EPHA6: variants seen among roughly 807,000 people sequenced by gnomAD.
EPHA6 encodes ephrin type-A receptor 6.
Under a neutral mutation model 112.0 loss-of-function variants are expected in EPHA6, and 50 were observed. The ratio of observed to expected loss-of-function variants is 0.45; its 90% CI spans 0.36 to 0.56. The LOEUF (loss-of-function observed/expected upper bound fraction) is 0.56. Ranked by LOEUF, EPHA6 falls within the 20% of genes least tolerant of loss-of-function variation. The pLI is 0.00. For synonymous variants in EPHA6, 529 were observed against 490.7 expected (o/e 1.08, Z -1.03); for missense variants, 1,280 against 1,417.4 (o/e 0.90, Z 1.56).
At chr3:97,064,806 A>C (rs539649674) in intron 3 of EPHA6, among the ~76,000 whole-genome samples, 1 of 152,146 alleles carries the variant, frequency 6.6e-6, no homozygotes, top group South Asian at 2.1e-4. Context: ...CCTTTTTCTC[A>C]CAATTGCTGC....
intron 11 of EPHA6, among the ~76,000 whole-genome samples, chr3:97,577,003 T>A (rs1358327778): frequency 5.3e-5 from 8 of 152,122 alleles, no homozygotes; most frequent in African/African-American, 1.7e-4. Flanking sequence ...TTGAGGGGAC[T>A]CTTTTGTTTT....
intron 2 of EPHA6, among the ~76,000 whole-genome samples, chr3:96,938,846 T>G (rs566121710): frequency 6.6e-6 from 1 of 152,334 alleles, no homozygotes; most frequent in African/African-American, 2.4e-5. Context: ...CAAAGACCTT[T>G]TCTGCATCTA....
intron 3 of EPHA6, among the ~76,000 whole-genome samples, chr3:97,171,405 G>C (rs1471350190): frequency 6.6e-6 from 1 of 152,018 alleles, no homozygotes; most frequent in Non-Finnish European, 1.5e-5. Context: ...GTAGAATCTA[G>C]GGGGGAGGAA....
At chr3:97,490,591 T>A (rs1158177458) in intron 10 of EPHA6, among the ~76,000 whole-genome samples, 1 of 152,192 alleles carries the variant, frequency 6.6e-6, no homozygotes, top group Non-Finnish European at 1.5e-5. Context: ...TCTCCAAGGA[T>A]GTTAGCAAGA....
At chr3:96,845,481 C>T (rs2035017148) in intron 1 of EPHA6, among the ~76,000 whole-genome samples, 1 of 151,944 alleles carries the variant, frequency 6.6e-6, no homozygotes. Context: ...TGTTGGTCTC[C>T]ATGTTTCGGT....
At chr3:96,940,907 A>C (rs976158218) in intron 2 of EPHA6, among the ~76,000 whole-genome samples, 1 of 152,132 alleles carries the variant, frequency 6.6e-6, no homozygotes, top group Non-Finnish European at 1.5e-5. Context: ...TCTTTTCTTT[A>C]AGAATGTTGG....
At chr3:97,388,849 T>A (rs1189776097) in intron 5 of EPHA6, among the ~76,000 whole-genome samples, 1 of 152,098 alleles carries the variant, frequency 6.6e-6, no homozygotes, top group African/African-American at 2.4e-5. Context: ...TGCAGGGAGA[T>A]AGTGACTAAA....
At chr3:97,344,962 C>A (rs2083468097) in intron 5 of EPHA6, among the ~76,000 whole-genome samples, 1 of 151,788 alleles carries the variant, frequency 6.6e-6, no homozygotes, top group Non-Finnish European at 1.5e-5. Flanking sequence ...GTGTTACAAC[C>A]AAATGGTAAC....
chr3:96,856,467 G>T (rs2035705813), intron 1 of EPHA6, among the ~76,000 whole-genome samples: 1 of 152,070 alleles, frequency 6.6e-6, no homozygotes, highest in African/African-American at 2.4e-5. Context: ...TCTACAGATA[G>T]AACTATTTTT....
intron 7 of EPHA6, among the ~76,000 whole-genome samples, chr3:97,466,635 G>A (rs1368869715): frequency 2.6e-5 from 4 of 151,854 alleles, no homozygotes; most frequent in Non-Finnish European, 5.9e-5. Context: ...TATGTCTCTG[G>A]TAAAAATGGC....
chr3:97,657,507 G>A (rs111238594), intron 14 of EPHA6, among the ~76,000 whole-genome samples: 1 of 151,862 alleles, frequency 6.6e-6, no homozygotes, highest in South Asian at 2.1e-4. Flanking sequence ...TAAACAGTAG[G>A]TTATAAACTT....
At chr3:97,065,626 A>G (rs540362656) in intron 3 of EPHA6, among the ~76,000 whole-genome samples, 1 of 152,162 alleles carries the variant, frequency 6.6e-6, no homozygotes, top group South Asian at 2.1e-4. Flanking sequence ...TATTTGGAAA[A>G]CACACTATTT....
chr3:97,713,462 A>G (rs2034070329), intron 14 of EPHA6, among the ~76,000 whole-genome samples: 1 of 152,212 alleles, frequency 6.6e-6, no homozygotes, highest in Admixed American at 6.5e-5. Context: ...ACCTAAAACA[A>G]TGCTGTTTAC....
chr3:97,203,321 G>A (rs988073978), intron 3 of EPHA6, among the ~76,000 whole-genome samples: 1 of 152,098 alleles, frequency 6.6e-6, no homozygotes, highest in Non-Finnish European at 1.5e-5. Context: ...TGGAGATAAA[G>A]GGACAGATTT....
intron 10 of EPHA6, among the ~76,000 whole-genome samples, chr3:97,511,950 T>C (rs182259007): frequency 6.6e-6 from 1 of 152,134 alleles, no homozygotes; most frequent in African/African-American, 2.4e-5. Context: ...ATTTCCTTCC[T>C]AGAAGGATAT....
At chr3:97,386,967 A>G (rs980987932) in intron 5 of EPHA6, among the ~76,000 whole-genome samples, 9 of 152,194 alleles carry the variant, frequency 5.9e-5, no homozygotes, top group Non-Finnish European at 1.0e-4. Flanking sequence ...CAATGGCCCA[A>G]GTTGTTCCTT....
intron 3 of EPHA6, among the ~76,000 whole-genome samples, chr3:97,124,242 G>A (rs1466448573): frequency 6.6e-6 from 1 of 151,644 alleles, no homozygotes; most frequent in African/African-American, 2.4e-5. Context: ...CAACTATGTT[G>A]ACTCCATAGC....
At chr3:97,381,244 T>G (rs2085710816) in intron 5 of EPHA6, among the ~76,000 whole-genome samples, 1 of 152,132 alleles carries the variant, frequency 6.6e-6, no homozygotes, top group Non-Finnish European at 1.5e-5. Flanking sequence ...ATAAAATTTC[T>G]GAAAATATTT....
At chr3:97,118,044 A>C (rs181844985) in intron 3 of EPHA6, among the ~76,000 whole-genome samples, 8 of 151,832 alleles carry the variant, frequency 5.3e-5, no homozygotes, top group Non-Finnish European at 1.0e-4. Flanking sequence ...TGATCTTCAA[A>C]TACTATTTGA....
Sources: allele counts gnomAD v4.1 joint callset (sites outside exome capture counted in the v4.1 genomes callset), GRCh38; gene constraint gnomAD v4.1.1; transcripts MANE v1.5; gene names NCBI Gene and HGNC (gene_info 2026-07-23, HGNC 2026-07-21).